HSPG2: variants seen among roughly 807,000 people sequenced by gnomAD.
The protein encoded by HSPG2 is basement membrane-specific heparan sulfate proteoglycan core protein.
In HSPG2, 278 loss-of-function variants were observed where a neutral mutation model predicts 526.6. That is an observed-to-expected ratio of 0.53 (90% confidence interval 0.48 to 0.58). The LOEUF (loss-of-function observed/expected upper bound fraction) is 0.58. Among genes scored for constraint, HSPG2 ranks in the 20% least tolerant of loss-of-function variants. The probability of loss-of-function intolerance (pLI) is 0.00; values close to 1 mark genes in which losing one functional copy is unlikely to be tolerated. For missense variants in HSPG2, 5,354 were observed against 6,099.5 expected (o/e 0.88, Z 4.07); for synonymous variants, 2,465 against 2,555.4 (o/e 0.96, Z 1.07).
At chr1:21,873,890 G>C in intron 29 of HSPG2, 35 bp downstream of exon 29, 1 of 1,526,512 alleles carries the variant, frequency 6.6e-7, no homozygotes, top group Non-Finnish European at 8.9e-7. Context: ...CACCCCCTGT[G>C]CGCATCCCCC....
chr1:21,907,288 T>C (rs918141700), intron 1 of HSPG2, among the ~76,000 whole-genome samples: 7 of 152,132 alleles, frequency 4.6e-5, no homozygotes, highest in African/African-American at 1.7e-4. Context: ...CCGGCGACCA[T>C]GCAGGTAAGG....
At chr1:21,834,035 A>G in intron 77 of HSPG2, 110 bp from the exon 78 acceptor site, 3 of 779,038 alleles carry the variant, frequency 3.9e-6, no homozygotes, top group East Asian at 5.3e-5. Flanking sequence ...GGAAGCCACT[A>G]CATTCCATTT....
intron 1 of HSPG2, among the ~76,000 whole-genome samples, chr1:21,915,166 C>T (rs1297356908): frequency 6.6e-6 from 1 of 151,336 alleles, no homozygotes; most frequent in African/African-American, 2.4e-5. Flanking sequence ...GCACACTTGG[C>T]GCCCTGATAC....
At chr1:21,840,083 C>G (rs943463370) in intron 71 of HSPG2, 66 bp from the exon 72 acceptor site, 5 of 1,361,852 alleles carry the variant, frequency 3.7e-6, no homozygotes, top group Non-Finnish European at 5.2e-6. Context: ...AGCCCCAGCT[C>G]TGGCTTGGTC....
intron 40 of HSPG2, 37 bp downstream of exon 40, chr1:21,860,140 G>A: frequency 6.2e-7 from 1 of 1,611,512 alleles, no homozygotes; most frequent in Non-Finnish European, 8.5e-7. Context: ...TCCCTGCCTT[G>A]CCCATCGTCC....
rs763037780 is a variant in HSPG2, at chr1:21,847,390, C to G, written c.8128G>C (p.Val2710Leu). ...NNIDALEASI[V>L]ISVSPSAGSP... ...CCGGCGCTAGGGGAGACGGAGATGA[C>G]GATGGAGGCCTCCAGGGCATCGATG... The change falls in exon 62 of 97, where the codon GTC becomes CTC. Residue 2710 changes from valine to leucine, a missense_variant. Transcript: ENST00000374695. The surrounding 1 kb of genome is among the most constrained non-coding windows in gnomAD (Gnocchi z 4.1). The G allele has an allele frequency of 6.2e-7, 1 of 1,613,940 alleles. No individual in the cohort carries two copies. The highest frequency in any genetic ancestry group is 1.1e-5 in the South Asian group (1 of 91,082).
chr1:21,825,391 C>A (rs1236972732), intron 91 of HSPG2, among the ~76,000 whole-genome samples: 1 of 152,228 alleles, frequency 6.6e-6, no homozygotes, highest in Non-Finnish European at 1.5e-5. Flanking sequence ...CAAGAAACCC[C>A]TCAGTCCGGA....
chr1:21,878,732 A>C (rs1243571529), intron 18 of HSPG2, 69 bp from the exon 19 acceptor site: 2 of 1,426,170 alleles, frequency 1.4e-6, no homozygotes, highest in Non-Finnish European at 2.0e-6. Flanking sequence ...ACCCTGGGAA[A>C]TGACTGCTGT....
At chr1:21,910,631 C>T (rs929013389) in intron 1 of HSPG2, among the ~76,000 whole-genome samples, 1 of 152,114 alleles carries the variant, frequency 6.6e-6, no homozygotes, top group Non-Finnish European at 1.5e-5. Context: ...TGTCGCTGCC[C>T]TTTTTCTAGC....
chr1:21,855,018 G>A (rs1438115585), intron 47 of HSPG2, 35 bp from the exon 48 acceptor site: 1 of 1,608,276 alleles, frequency 6.2e-7, no homozygotes, highest in South Asian at 1.1e-5. Flanking sequence ...TGCCCCAGAG[G>A]CAGCTGGACA....
intron 1 of HSPG2, among the ~76,000 whole-genome samples, chr1:21,924,097 G>A (rs1334349716): frequency 6.6e-6 from 1 of 152,190 alleles, no homozygotes; most frequent in Non-Finnish European, 1.5e-5. Flanking sequence ...AGGCTTCAAG[G>A]TCTAGGGCAC....
At position 21,852,773 on chromosome 1, in the gene HSPG2, C is replaced by A; in HGVS notation, c.6651G>T (p.Val2217=). 1 of 1,613,034 alleles carries A rather than the reference C, an allele frequency of 6.2e-7. No homozygotes were observed. The highest frequency in any genetic ancestry group is 8.5e-7 in the Non-Finnish European group (1 of 1,179,920). Residue 2217 remains valine (V), a synonymous_variant, in exon 52 of 97, where the codon GTG becomes GTT. Coordinates refer to ENST00000374695, the MANE Select transcript of HSPG2 (RefSeq NM_005529.7). The part of the protein sequence containing the change: ...QVTPADSGEY[V]CHVVGTSGPL... ...GGCCGGAGGTGCCCACCACATGGCA[C>A]ACATACTCGCCTGAGTCGGCCGGGG...
In HSPG2 at chr1:21,852,141, G is replaced by A. The variant is rs1638954575; in HGVS notation, c.6817C>T (p.His2273Tyr). 1 of 1,613,900 alleles carries A rather than the reference G, an allele frequency of 6.2e-7. No homozygotes were observed. The highest frequency in any genetic ancestry group is 1.1e-5 in the South Asian group (1 of 91,088). ...CGCTTGTACCATGTGACCTGGGCGT[G>A]GGCCTGCCCTGCCACCACGCAGCTC... is the stretch of plus-strand genomic sequence containing the variant. ...DLSCVVAGQAHAQVTWYKRGG... is the reference protein window; with the variant it reads ...DLSCVVAGQAYAQVTWYKRGG... The change falls in exon 53 of 97, where the codon CAC becomes TAC. Residue 2273 changes from histidine (H) to tyrosine (Y), a missense_variant. Physicochemically the swap from His to Tyr is moderately conservative, Grantham distance 83. Transcript: ENST00000374695.
Position 21,851,626 on chromosome 1 carries a change from G to A in HSPG2, c.7078C>T (p.Leu2360=). ...GACTGCCCGGGCACCACGCAGTTCA[G>A]ATCCAGGGTCTGCCCTTCCGCCACT... ...SQVAEGQTLD[L]NCVVPGQSHA... is the part of the protein sequence containing the mutation. Residue 2360 remains leucine, a synonymous_variant, in exon 55 of 97, where the codon CTG becomes TTG. Coordinates refer to ENST00000374695, the MANE Select transcript of HSPG2 (RefSeq NM_005529.7). 1 of 1,614,010 alleles carries A rather than the reference G, an allele frequency of 6.2e-7. No individual in the cohort carries two copies. The highest frequency in any genetic ancestry group is 8.5e-7 in the Non-Finnish European group (1 of 1,180,024).
chr1:21,884,186 C>T (rs1321604662), intron 13 of HSPG2, among the ~76,000 whole-genome samples: 4 of 152,082 alleles, frequency 2.6e-5, no homozygotes, highest in Non-Finnish European at 5.9e-5. Flanking sequence ...TATTCCACAC[C>T]CCCCGACTTT....
At position 21,827,937 on chromosome 1, in the gene HSPG2, G is replaced by C; in HGVS notation, c.12533-18C>G. ...TCCAGAGCCTATGGAGAAGGGCAGG[G>C]TCCAGTTGGTGGGCATAGACACCCG... On this transcript the variant is annotated intron_variant, in intron 90 of 96. Transcript: ENST00000374695. The C allele has an allele frequency of 6.2e-7, 1 of 1,606,464 alleles. No homozygotes were observed. The highest frequency in any genetic ancestry group is 8.5e-7 in the Non-Finnish European group (1 of 1,176,876).
rs1364762764 is a variant in HSPG2, at chr1:21,841,123, A to T, written c.9491T>A (p.Met3164Lys). The change falls in exon 71 of 97, where the codon ATG becomes AAG. Residue 3164 changes from methionine to lysine, a missense_variant. Physicochemically the swap from Met to Lys is moderately conservative, Grantham distance 95. Coordinates refer to ENST00000374695, the MANE Select transcript of HSPG2 (RefSeq NM_005529.7). ...AKLEQRTYGL[M>K]DSHAVLQISS... ...CACCTGCAGCACCGCGTGGCTGTCC[A>T]TGAGCCCATATGTCCGCTGCTCCAA... is the stretch of plus-strand genomic sequence containing the variant. 6.2e-7 allele frequency: 1 copy of T among 1,612,116 alleles called. No homozygotes were observed. The highest frequency in any genetic ancestry group is 1.3e-5 in the African/African-American group (1 of 74,928).
intron 1 of HSPG2, among the ~76,000 whole-genome samples, chr1:21,917,982 CT>C (rs1643928804): frequency 6.6e-6 from 1 of 152,166 alleles, no homozygotes; most frequent in Non-Finnish European, 1.5e-5. Flanking sequence ...TATATTCAAC[CT>C]TTAGATACTT....
intron 37 of HSPG2, among the ~76,000 whole-genome samples, chr1:21,863,476 A>G (rs146447222): frequency 6.6e-6 from 1 of 152,312 alleles, no homozygotes; most frequent in East Asian, 1.9e-4. Flanking sequence ...GGTATCAACA[A>G]TAGGGTGTTC....
Sources: allele counts gnomAD v4.1 joint callset (sites outside exome capture counted in the v4.1 genomes callset), GRCh38; gene constraint gnomAD v4.1.1; non-coding constraint Gnocchi (gnomAD v3.1); transcripts MANE v1.5; gene names NCBI Gene and HGNC (gene_info 2026-07-23, HGNC 2026-07-21).